ZNF469: variants seen among roughly 807,000 people sequenced by gnomAD.
The protein encoded by ZNF469 is zinc finger protein 469.
ZNF469 carries 1 observed loss-of-function variant against 1.0 expected under a neutral mutation model. That is an observed-to-expected ratio of 1.00 (90% confidence interval 0.35 to 4.73). The LOEUF is 4.73. Ranked by LOEUF, ZNF469 falls within the 30% of genes most tolerant of loss-of-function variation. The pLI, the probability that ZNF469 is intolerant of heterozygous loss-of-function variation, is 0.16. For missense variants in ZNF469, 6,100 were observed against 5,356.3 expected (o/e 1.14, Z -4.33); for synonymous variants, 2,703 against 2,363.4 (o/e 1.14, Z -4.17).
At chr16:88,238,341 G>A in the ZNF469 span, among the ~76,000 whole-genome samples, 2 of 152,180 alleles carry the variant, frequency 1.3e-5, no homozygotes, top group African/African-American at 2.4e-5. Context: ...TGACACACAG[G>A]GGTCCCTCCC....
chr16:88,426,401 C>T (rs569697709), intron 2 of ZNF469, among the ~76,000 whole-genome samples: 4 of 152,394 alleles, frequency 2.6e-5, no homozygotes, highest in Admixed American at 6.5e-5. Context: ...GCGGCCTGCG[C>T]ACCTCGTGGC....
In ZNF469 at chr16:88,426,510, G is replaced by A. The variant is rs1472977563; in HGVS notation, c.-126-835G>A. On this transcript the variant is annotated intron_variant, in intron 2 of 2. Coordinates refer to ENST00000565624, the MANE Select transcript of ZNF469 (RefSeq NM_001367624.2). ...ATGATGAGTGTGAAGCCAGCCCTGG[G>A]TGAGCAAGGGGCCAGGCTCCTCTGG... is the stretch of plus-strand genomic sequence containing the variant. 7.2e-4 allele frequency among the ~76,000 whole-genome samples: 109 copies of A among 152,264 alleles called. 1 individual carries two copies. The highest frequency in any genetic ancestry group is 4.4e-5 in the Non-Finnish European group (3 of 68,038).
chr16:88,110,548 C>T, the ZNF469 span, among the ~76,000 whole-genome samples: 1 of 152,254 alleles, frequency 6.6e-6, no homozygotes, highest in Non-Finnish European at 1.5e-5. Context: ...GAGCAGCTTC[C>T]CCAGCCCTGG....
At chr16:88,105,681 T>G in the ZNF469 span, among the ~76,000 whole-genome samples, 1 of 152,172 alleles carries the variant, frequency 6.6e-6, no homozygotes, top group Non-Finnish European at 1.5e-5. Context: ...ATAAGCATAA[T>G]TGGGAACGGA....
the ZNF469 span, among the ~76,000 whole-genome samples, chr16:88,364,950 G>A: frequency 6.6e-6 from 1 of 152,210 alleles, no homozygotes. Context: ...GGGCAACAGA[G>A]TGAGACTCCA....
At chr16:88,173,304 C>T in the ZNF469 span, among the ~76,000 whole-genome samples, 10,420 of 152,230 alleles carry the variant, frequency 0.068, 462 homozygotes, top group Middle Eastern at 0.13. Flanking sequence ...GCCAGAAGGC[C>T]ATGGGAAGAC....
At chr16:88,312,256 G>C in the ZNF469 span, among the ~76,000 whole-genome samples, 1 of 152,234 alleles carries the variant, frequency 6.6e-6, no homozygotes, top group Non-Finnish European at 1.5e-5. Context: ...GATGAGATTT[G>C]GGTGGGGACA....
In ZNF469 at chr16:88,415,463, G is replaced by A. The variant is rs189612583; in HGVS notation, c.-191-9344G>A. Among the ~76,000 whole-genome samples the A allele has an allele frequency of 3.1e-4, 47 of 152,366 alleles. No individual in the cohort carries two copies. In the East Asian group the frequency reaches 8.3e-3, roughly 27 times the overall value. On this transcript the variant is annotated intron_variant, in intron 1 of 2. Transcript: ENST00000565624. ...GGGAACCCAGGGGCCTGTGCTGCGG[G>A]GGGCAGTGCTGTGCCCATTTTACAG...
chr16:88,243,225 G>A, the ZNF469 span, among the ~76,000 whole-genome samples: 2 of 152,218 alleles, frequency 1.3e-5, no homozygotes, highest in African/African-American at 2.4e-5. Context: ...GAGATAGTCA[G>A]TGTTGGTCCA....
At chr16:88,402,829 G>A (rs916043895) in intron 1 of ZNF469, among the ~76,000 whole-genome samples, 6 of 152,174 alleles carry the variant, frequency 3.9e-5, no homozygotes, top group African/African-American at 1.2e-4. Context: ...TTACCAGTGC[G>A]GAAACCGAGA....
chr16:88,112,334 T>C, the ZNF469 span, among the ~76,000 whole-genome samples: 1 of 152,200 alleles, frequency 6.6e-6, no homozygotes. Flanking sequence ...GGTAGCTCAA[T>C]TTGTAGCTTT....
At chr16:88,269,207 G>A in the ZNF469 span, among the ~76,000 whole-genome samples, 4 of 152,166 alleles carry the variant, frequency 2.6e-5, no homozygotes, top group South Asian at 6.2e-4. Flanking sequence ...CACTTTCCAC[G>A]GCCGGCTGGG....
At chr16:88,264,646 C>G in the ZNF469 span, among the ~76,000 whole-genome samples, 264 of 151,920 alleles carry the variant, frequency 1.7e-3, 2 homozygotes, top group South Asian at 5.6e-3. Context: ...ACCGCCTGAC[C>G]CCTGCATGGC....
chr16:88,186,341 C>T, the ZNF469 span, among the ~76,000 whole-genome samples: 49 of 152,312 alleles, frequency 3.2e-4, no homozygotes, highest in African/African-American at 9.4e-4. Flanking sequence ...CCTTATAAAT[C>T]AGCCAACAAT....
chr16:88,104,861 C>T, the ZNF469 span, among the ~76,000 whole-genome samples: 1 of 152,284 alleles, frequency 6.6e-6, no homozygotes, highest in African/African-American at 2.4e-5. Flanking sequence ...CTGCGTTTCA[C>T]TATCAGTGTG....
the ZNF469 span, among the ~76,000 whole-genome samples, chr16:88,131,176 C>T: frequency 1.4e-4 from 21 of 152,358 alleles, no homozygotes; most frequent in African/African-American, 5.0e-4. Context: ...GCAGAACCGG[C>T]TGTCTGGGCC....
the ZNF469 span, among the ~76,000 whole-genome samples, chr16:88,159,164 G>A: frequency 7.9e-6 from 1 of 127,352 alleles, no homozygotes; most frequent in Non-Finnish European, 1.8e-5. Context: ...ATATGGCTAT[G>A]TGGACCACTC....
At chr16:88,331,223 C>T in the ZNF469 span, among the ~76,000 whole-genome samples, 1 of 128,428 alleles carries the variant, frequency 7.8e-6, no homozygotes, top group Admixed American at 7.2e-5. Context: ...CCGTCACCAC[C>T]ACCACCATCA....
At chr16:88,357,442 G>C in the ZNF469 span, among the ~76,000 whole-genome samples, 1 of 152,098 alleles carries the variant, frequency 6.6e-6, no homozygotes, top group Non-Finnish European at 1.5e-5. Context: ...GGAAGTGTAG[G>C]TTCGAGTCTC....
Sources: gnomAD v4.1 joint callset for allele counts (sites outside exome capture counted in the v4.1 genomes callset) on GRCh38, gnomAD v4.1.1 for gene constraint, MANE v1.5 for transcripts, NCBI Gene and HGNC (gene_info 2026-07-23, HGNC 2026-07-21) for gene names.